The following NCALD variants were observed in gnomAD, a reference collection of about 807,000 sequenced individuals.
NCALD encodes the protein neurocalcin delta, also known as neurocalcin-delta.
A neutral mutation model predicts 18.6 loss-of-function variants in NCALD; 10 were observed. The ratio of observed to expected loss-of-function variants is 0.54; its 90% CI spans 0.33 to 0.91. NCALD has a LOEUF of 0.91. NCALD is among the 40% of genes least tolerant of loss of function. The pLI, the probability that NCALD is intolerant of heterozygous loss-of-function variation, is 0.03. For missense variants in NCALD, 184 were observed against 247.6 expected, an observed-to-expected ratio of 0.74 and a Z score of 1.72; for synonymous variants, 88 against 87.4, an observed-to-expected ratio of 1.01 and a Z score of -0.04.
chr8:101,771,417 C>G (rs1811581647), intron 1 of NCALD, among the ~76,000 whole-genome samples: 1 of 152,294 alleles, frequency 6.6e-6, no homozygotes, highest in Non-Finnish European at 1.5e-5. Context: ...CAAGATAAAA[C>G]AGTCAAGGAA....
In NCALD at chr8:101,833,358, C is replaced by T. The variant is rs1419076057; in HGVS notation, c.-20+53783G>A. On this transcript the variant is annotated intron_variant, in intron 4 of 6. Transcript: ENST00000311028. ...ATGACTTCCCAAGAAACTTTCAATA[C>T]TGAAGTTTTATCCCATTCAAAGTGA... Among the ~76,000 whole-genome samples, 3 of 152,270 alleles carry T rather than the reference C, an allele frequency of 2.0e-5. No homozygotes were observed. In the East Asian group the frequency reaches 5.8e-4, roughly 29 times the overall value.
intron 2 of NCALD, among the ~76,000 whole-genome samples, chr8:101,698,591 C>T (rs1268628168): frequency 6.6e-6 from 1 of 152,096 alleles, no homozygotes; most frequent in Non-Finnish European, 1.5e-5. Context: ...GACATATAGA[C>T]AAATGGAAGA....
At chr8:101,984,355 T>C (rs935231354) in intron 2 of NCALD, among the ~76,000 whole-genome samples, 1 of 152,216 alleles carries the variant, frequency 6.6e-6, no homozygotes, top group Non-Finnish European at 1.5e-5. Context: ...TAAATACCAG[T>C]ATAACAATAT....
At chr8:101,771,619 TA>T (rs1169133856) in intron 1 of NCALD, among the ~76,000 whole-genome samples, 1 of 152,206 alleles carries the variant, frequency 6.6e-6, no homozygotes, top group African/African-American at 2.4e-5. Flanking sequence ...GATTATATTT[TA>T]TATTTGTGAA....
chr8:102,116,694 G>A (rs1825799607), intron 1 of NCALD, among the ~76,000 whole-genome samples: 1 of 151,866 alleles, frequency 6.6e-6, no homozygotes, highest in South Asian at 2.1e-4. Flanking sequence ...TTTTGGTAGA[G>A]ATGGGGTCTC....
intron 1 of NCALD, among the ~76,000 whole-genome samples, chr8:102,106,828 C>T (rs1825471897): frequency 1.3e-5 from 2 of 152,260 alleles, no homozygotes; most frequent in East Asian, 3.9e-4. Flanking sequence ...ATAGACCATT[C>T]TGTCTTTCGG....
chr8:101,823,258 A>AT (rs1421121771), intron 4 of NCALD, among the ~76,000 whole-genome samples: 2 of 152,290 alleles, frequency 1.3e-5, no homozygotes, highest in East Asian at 3.9e-4. Flanking sequence ...TAGCAAGGCC[A>AT]TTTTTTCTAC....
At chr8:102,024,989 A>C (rs1333744528) in intron 1 of NCALD, among the ~76,000 whole-genome samples, 1 of 152,110 alleles carries the variant, frequency 6.6e-6, no homozygotes, top group African/African-American at 2.4e-5. Flanking sequence ...TCCCCATCCC[A>C]ACTCCAAAAG....
At chr8:102,022,897 C>T (rs1822324926) in intron 1 of NCALD, among the ~76,000 whole-genome samples, 1 of 152,078 alleles carries the variant, frequency 6.6e-6, no homozygotes, top group South Asian at 2.1e-4. Context: ...TGTTCTTGTC[C>T]TCTTTCCCCC....
chr8:101,893,958 G>C (rs1370359652), intron 3 of NCALD, among the ~76,000 whole-genome samples: 2 of 146,900 alleles, frequency 1.4e-5, no homozygotes, highest in East Asian at 3.9e-4. Context: ...AGATCAATGA[G>C]ACAGAAAGTC....
intron 2 of NCALD, among the ~76,000 whole-genome samples, chr8:101,961,640 G>C (rs2131852687): frequency 6.6e-6 from 1 of 152,224 alleles, no homozygotes; most frequent in Non-Finnish European, 1.5e-5. Flanking sequence ...ATGTTGTCCA[G>C]GCTGGTCTTG....
intron 2 of NCALD, among the ~76,000 whole-genome samples, chr8:101,975,938 T>C: frequency 6.6e-6 from 1 of 152,202 alleles, no homozygotes; most frequent in East Asian, 1.9e-4. Flanking sequence ...GGTTCCCTTA[T>C]GTCTTGACTG....
At chr8:101,820,800 A>G (rs185241169) in intron 4 of NCALD, among the ~76,000 whole-genome samples, 8 of 152,330 alleles carry the variant, frequency 5.3e-5, no homozygotes, top group Admixed American at 5.2e-4. Flanking sequence ...ACTTCTCCAA[A>G]ACAATATACT....
intron 1 of NCALD, among the ~76,000 whole-genome samples, chr8:102,061,902 AATG>A (rs1467425509): frequency 3.9e-5 from 6 of 152,202 alleles, no homozygotes; most frequent in Non-Finnish European, 1.5e-5. Context: ...TGGTAGACAA[AATG>A]ATGATGTTCT....
At chr8:102,102,975 A>C (rs1825335759) in intron 1 of NCALD, among the ~76,000 whole-genome samples, 1 of 152,178 alleles carries the variant, frequency 6.6e-6, no homozygotes, top group Non-Finnish European at 1.5e-5. Flanking sequence ...TAAATGCTCA[A>C]GACGCTGATT....
At chr8:101,990,483 C>A (rs1202490761) in intron 2 of NCALD, among the ~76,000 whole-genome samples, 2 of 152,206 alleles carry the variant, frequency 1.3e-5, no homozygotes, top group African/African-American at 4.8e-5. Flanking sequence ...GTAGCTCCCA[C>A]AATTCTCATG....
chr8:102,026,849 T>C (rs1788313525), intron 1 of NCALD, among the ~76,000 whole-genome samples: 1 of 152,204 alleles, frequency 6.6e-6, no homozygotes. Flanking sequence ...CCATACATCC[T>C]CTGAAATCTA....
At chr8:101,993,984 T>C (rs945722210) in intron 2 of NCALD, among the ~76,000 whole-genome samples, 1 of 152,244 alleles carries the variant, frequency 6.6e-6, no homozygotes, top group African/African-American at 2.4e-5. Flanking sequence ...TCTGGACTGA[T>C]GAAAAGTAGT....
At chr8:102,059,251 G>T (rs755624258) in intron 1 of NCALD, among the ~76,000 whole-genome samples, 1 of 152,158 alleles carries the variant, frequency 6.6e-6, no homozygotes, top group Non-Finnish European at 1.5e-5. Flanking sequence ...GACTTTCCAA[G>T]GACATCCTCT....
Sources: allele counts gnomAD v4.1 joint callset (sites outside exome capture counted in the v4.1 genomes callset), GRCh38; gene constraint gnomAD v4.1.1; transcripts MANE v1.5; gene names NCBI Gene and HGNC (gene_info 2026-07-23, HGNC 2026-07-21).